The following ADGRG5 variants were observed in gnomAD, a reference collection of about 807,000 sequenced individuals.
ADGRG5 encodes adhesion G protein-coupled receptor G5.
In ADGRG5, 37 loss-of-function variants were observed where a neutral mutation model predicts 53.2. That is an observed-to-expected ratio of 0.70 (90% CI 0.53 to 0.91). The LOEUF is 0.91. Among genes scored for constraint, ADGRG5 ranks in the 40% least tolerant of loss-of-function variants. The pLI is 0.00. For missense variants in ADGRG5, 614 were observed against 675.8 expected (o/e 0.91, Z 1.01); for synonymous variants, 277 against 290.4 (o/e 0.95, Z 0.47).
At chr16:57,556,325 G>T (rs1425150178) in intron 1 of ADGRG5, among the ~76,000 whole-genome samples, 4 of 151,906 alleles carry the variant, frequency 2.6e-5, no homozygotes, top group African/African-American at 7.3e-5. Context: ...TATATGATTG[G>T]GTTTATATCT....
chr16:57,532,531 G>A, the ADGRG5 span, among the ~76,000 whole-genome samples: 2,193 of 152,262 alleles, frequency 0.014, 45 homozygotes, highest in African/African-American at 0.051. Flanking sequence ...AAGACCCAGG[G>A]GCAGACACAC....
At chr16:57,573,249 C>T (rs973617798) in intron 10 of ADGRG5, among the ~76,000 whole-genome samples, 10 of 151,860 alleles carry the variant, frequency 6.6e-5, no homozygotes, top group African/African-American at 2.2e-4. Context: ...CTGGACAACA[C>T]GGTGAAACCC....
chr16:57,569,207 C>T (rs536427961), intron 9 of ADGRG5, among the ~76,000 whole-genome samples: 16 of 151,024 alleles, frequency 1.1e-4, no homozygotes, highest in African/African-American at 3.9e-4. Flanking sequence ...TCCACCACCT[C>T]CTCCACTTCC....
chr16:57,574,961 C>A lies in ADGRG5; in HGVS notation c.1355C>A (p.Ala452Asp). The change falls in exon 11 of 12, where the codon GCC (alanine) becomes GAC (aspartate). Residue 452 changes from alanine to aspartate, a missense_variant. Ala to Asp is a moderately radical substitution (Grantham distance 126). Transcript: ENST00000349457. This position sits in a 1 kb window ranked among gnomAD's most constrained non-coding sequence, Gnocchi z 4.4. The stretch of plus-strand genomic sequence containing the variant: ...CGGGCGGATGCACCAAGTGTCAGGG[C>A]CTGCCATGACACTGTCACTGTGCTG... Reference protein sequence around the residue: ...RERADAPSVRACHDTVTVLGL... With the variant: ...RERADAPSVRDCHDTVTVLGL... The A allele has an allele frequency of 1.9e-6, 3 of 1,613,768 alleles. No individual in the cohort carries two copies. Among genetic ancestry groups the A allele is most frequent in the Non-Finnish European group, 2.5e-6 (3 of 1,180,020 alleles).
intron 1 of ADGRG5, among the ~76,000 whole-genome samples, chr16:57,546,080 C>A (rs1598091366): frequency 1.3e-5 from 2 of 152,176 alleles, no homozygotes; most frequent in African/African-American, 2.4e-5. Flanking sequence ...CCTGCCTCGG[C>A]CTCCCAAAGT....
chr16:57,529,083 A>G, the ADGRG5 span: 1 of 1,168,220 alleles, frequency 8.6e-7, no homozygotes, highest in East Asian at 3.9e-5. This position sits in a 1 kb window ranked among gnomAD's most constrained non-coding sequence, Gnocchi z 4.1. Flanking sequence ...GGCAGGCCCC[A>G]TGCGCTCCGG....
chr16:57,574,460 C>A lies in ADGRG5; in HGVS notation c.1209-355C>A, dbSNP rs1371213217. Among the ~76,000 whole-genome samples, 2 of 152,174 alleles carry A rather than the reference C, an allele frequency of 1.3e-5. No individual in the cohort carries two copies. The highest frequency in any genetic ancestry group is 4.8e-5 in the African/African-American group (2 of 41,444). On this transcript the variant is annotated intron_variant, in intron 10 of 11. Transcript: ENST00000349457. The surrounding 1 kb of genome is among the most constrained non-coding windows in gnomAD (Gnocchi z 4.4). ...GGAAAGAGGGCTCCGGGCCAAGGAT[C>A]CAATAGAAGATGGGGCATGCCGGCC...
intron 1 of ADGRG5, among the ~76,000 whole-genome samples, chr16:57,553,910 A>G (rs1174307575): frequency 2.0e-5 from 3 of 152,052 alleles, no homozygotes; most frequent in Admixed American, 2.0e-4. Context: ...TTTGTCTTCC[A>G]TTTTTTTCTA....
At position 57,575,611 on chromosome 16, in the gene ADGRG5, A is replaced by C. The variant is rs1330016058; in HGVS notation, c.*73A>C. ...CCTGAGGCTACGGCTCCTGCTAGAG[A>C]GGGTGGCAGGCCTGCTGCTGGACCC... is the stretch of plus-strand genomic sequence containing the variant. On this transcript the variant is annotated 3_prime_UTR_variant, in exon 12 of 12. Transcript: ENST00000349457. 7 of 1,237,858 alleles carry C rather than the reference A, an allele frequency of 5.7e-6. No homozygotes were observed. The Admixed American group carries it at 1.3e-4, about 23-fold the overall frequency. 76.7% of individuals were successfully genotyped at this position (1,237,858 alleles called of 1,614,324 possible). A position where few individuals can be genotyped will look rare whatever the true frequency, so the allele number is the denominator to read the frequency against.
upstream of ADGRG5, among the ~76,000 whole-genome samples, chr16:57,538,690 C>T (rs1235688679): frequency 6.6e-6 from 1 of 152,190 alleles, no homozygotes; most frequent in African/African-American, 2.4e-5. Flanking sequence ...TTCTCTCTGG[C>T]AGCCTGTCCC....
intron 1 of ADGRG5, among the ~76,000 whole-genome samples, chr16:57,557,662 C>T (rs745392482): frequency 1.8e-4 from 27 of 152,140 alleles, no homozygotes; most frequent in Non-Finnish European, 3.1e-4. Flanking sequence ...TTTATTTTCA[C>T]TCTTCTTACT....
Position 57,575,674 on chromosome 16 carries a change from T to A in ADGRG5, c.*136T>A, listed in dbSNP as rs545700522. ...TGACCGCCAAGGGGCCTTTTCCACT[T>A]CCACGGCCTCTCCAGGCACTGAGGG... is the stretch of plus-strand genomic sequence containing the variant. On this transcript the variant is annotated 3_prime_UTR_variant, in exon 12 of 12. Transcript: ENST00000349457. 95 of 655,958 alleles carry A rather than the reference T, an allele frequency of 1.4e-4. No individual in the cohort carries two copies. The highest frequency in any genetic ancestry group is 2.3e-4 in the Non-Finnish European group (86 of 375,008). The allele number at this position is 655,958 out of a possible 1,614,324, so 40.6% of individuals were successfully genotyped here.
At chr16:57,544,306 C>T (rs1258456150) in intron 1 of ADGRG5, among the ~76,000 whole-genome samples, 1 of 152,154 alleles carries the variant, frequency 6.6e-6, no homozygotes, top group Non-Finnish European at 1.5e-5. Context: ...TAGAAGGCCA[C>T]AAATAATGAA....
At chr16:57,547,525 A>G (rs1598092420) in intron 1 of ADGRG5, among the ~76,000 whole-genome samples, 1 of 151,902 alleles carries the variant, frequency 6.6e-6, no homozygotes, top group South Asian at 2.1e-4. Flanking sequence ...GCTCACTGCA[A>G]CCTCCGCCTA....
At chr16:57,543,719 C>T (rs117676296) in intron 1 of ADGRG5, among the ~76,000 whole-genome samples, 2,615 of 152,118 alleles carry the variant, frequency 0.017, 28 homozygotes, top group Non-Finnish European at 0.024. Flanking sequence ...CTTCGTGCTG[C>T]TGGGGAGAGG....
rs770780047 is a variant in ADGRG5 at position 57,567,922 on chromosome 16, C to T, written c.888C>T (p.Ile296=). The part of the protein sequence containing the change: ...NLHASVLLLN[I]AFLLSPAFAM... ...ATGCCTCCGTGCTGCTCCTGAACAT[C>T]GCCTTCCTGCTGAGCCCCGCATTCG... Residue 296 remains isoleucine, a synonymous_variant, in exon 9 of 12, where the codon ATC becomes ATT. Transcript: ENST00000349457. The T allele has an allele frequency of 6.1e-5, 99 of 1,613,568 alleles. No homozygotes were observed. The South Asian group carries it at 7.9e-4, about 13-fold the overall frequency.
chr16:57,545,539 A>G (rs528132420), intron 1 of ADGRG5, among the ~76,000 whole-genome samples: 12 of 152,262 alleles, frequency 7.9e-5, no homozygotes, highest in Middle Eastern at 6.8e-3. Context: ...CTGGGCTTGG[A>G]TGTGCCAGTT....
upstream of ADGRG5, among the ~76,000 whole-genome samples, chr16:57,541,789 C>A (rs1360394638): frequency 6.6e-6 from 1 of 152,232 alleles, no homozygotes; most frequent in Non-Finnish European, 1.5e-5. Context: ...CTCTATCCCC[C>A]ACACACACCT....
intron 4 of ADGRG5, 139 bp downstream of exon 4, chr16:57,563,386 T>C: frequency 4.1e-6 from 3 of 729,424 alleles, no homozygotes; most frequent in Non-Finnish European, 4.7e-6. Context: ...TAACTGGCAG[T>C]GAGTTGCCTC....
Sources: allele counts gnomAD v4.1 joint callset (sites outside exome capture counted in the v4.1 genomes callset), GRCh38; gene constraint gnomAD v4.1.1; non-coding constraint Gnocchi (gnomAD v3.1); transcripts MANE v1.5; gene names NCBI Gene and HGNC (gene_info 2026-07-23, HGNC 2026-07-21).